FGF14: variants seen among roughly 807,000 people sequenced by gnomAD.
FGF14 encodes the protein fibroblast growth factor 14.
In FGF14, 5 loss-of-function variants were observed where a neutral mutation model predicts 25.5. That is an observed-to-expected ratio of 0.20 (90% CI 0.10 to 0.41). FGF14 has a LOEUF of 0.41. Among genes scored for constraint, FGF14 ranks in the 10% least tolerant of loss-of-function variants. FGF14 has a pLI of 1.00. For synonymous variants in FGF14, 138 were observed against 118.3 expected (o/e 1.17, Z -1.08); for missense variants, 222 against 320.1 (o/e 0.69, Z 2.34).
chr13:102,212,420 A>G (rs1229817191), intron 1 of FGF14, among the ~76,000 whole-genome samples: 2 of 151,868 alleles, frequency 1.3e-5, no homozygotes, highest in Non-Finnish European at 2.9e-5. Context: ...AATCCCCCTG[A>G]CCTCCACCCT....
At chr13:102,224,626 G>A (rs890173347) in intron 1 of FGF14, among the ~76,000 whole-genome samples, 7 of 152,098 alleles carry the variant, frequency 4.6e-5, no homozygotes, top group African/African-American at 1.7e-4. Context: ...TTTCTAGATG[G>A]TAACTTGTGT....
chr13:102,269,165 C>T (rs1418411551), intron 1 of FGF14, among the ~76,000 whole-genome samples: 8 of 152,174 alleles, frequency 5.3e-5, no homozygotes, highest in Admixed American at 5.2e-4. Flanking sequence ...ATCAGGAAAA[C>T]CAAAAGCCAC....
intron 1 of FGF14, among the ~76,000 whole-genome samples, chr13:101,963,152 T>C (rs2036970338): frequency 6.6e-6 from 1 of 152,264 alleles, no homozygotes; most frequent in Admixed American, 6.5e-5. Context: ...ATCCAAATAC[T>C]TAAGGAGAGA....
At chr13:101,746,357 A>G (rs2036889409) in intron 3 of FGF14, among the ~76,000 whole-genome samples, 1 of 152,010 alleles carries the variant, frequency 6.6e-6, no homozygotes, top group Admixed American at 6.6e-5. Flanking sequence ...AAATCACCAG[A>G]CAATATTCTC....
intron 1 of FGF14, among the ~76,000 whole-genome samples, chr13:102,110,825 T>C (rs891066605): frequency 2.6e-5 from 4 of 152,146 alleles, no homozygotes; most frequent in Non-Finnish European, 5.9e-5. Flanking sequence ...CCTGCAATTG[T>C]TTCCTTTTTT....
chr13:102,033,795 A>C (rs2041334722), intron 1 of FGF14, among the ~76,000 whole-genome samples: 2 of 152,146 alleles, frequency 1.3e-5, no homozygotes, highest in African/African-American at 4.8e-5. Context: ...GGTTTCAGCA[A>C]AACACTCTGA....
chr13:102,157,405 G>A (rs1175629644), intron 1 of FGF14, among the ~76,000 whole-genome samples: 1 of 152,148 alleles, frequency 6.6e-6, no homozygotes, highest in African/African-American at 2.4e-5. Flanking sequence ...CAAGAAATGG[G>A]GAGAGAATTC....
chr13:102,177,963 CAT>C (rs749202943), intron 1 of FGF14, among the ~76,000 whole-genome samples: 18 of 151,990 alleles, frequency 1.2e-4, no homozygotes, highest in South Asian at 2.1e-4. Context: ...GCACATAGCA[CAT>C]GTCTCTCTCA....
At chr13:102,023,389 G>A (rs935466950) in intron 1 of FGF14, among the ~76,000 whole-genome samples, 3 of 151,950 alleles carry the variant, frequency 2.0e-5, no homozygotes, top group African/African-American at 7.2e-5. Context: ...GACATCTCAT[G>A]GTATAGAGCT....
intron 1 of FGF14, among the ~76,000 whole-genome samples, chr13:101,912,029 T>C (rs2032995976): frequency 6.6e-6 from 1 of 151,784 alleles, no homozygotes; most frequent in Admixed American, 6.6e-5. Context: ...TGATGACTAT[T>C]TGCTGTGGAT....
chr13:102,335,810 C>T (rs2056773095), intron 1 of FGF14, among the ~76,000 whole-genome samples: 1 of 152,154 alleles, frequency 6.6e-6, no homozygotes, highest in African/African-American at 2.4e-5. Context: ...TCCAGTAATT[C>T]TTGCAATATT....
chr13:102,401,108 G>A (rs970759840), intron 1 of FGF14, among the ~76,000 whole-genome samples: 3 of 152,080 alleles, frequency 2.0e-5, no homozygotes, highest in East Asian at 1.9e-4. Context: ...AGGGGAGCTC[G>A]CGGTTCTTTT....
At chr13:102,162,561 T>C (rs543359759) in intron 1 of FGF14, among the ~76,000 whole-genome samples, 24 of 152,280 alleles carry the variant, frequency 1.6e-4, no homozygotes, top group African/African-American at 5.8e-4. Flanking sequence ...GCCTAAAGTA[T>C]CAAGTTTATA....
chr13:101,917,627 C>T (rs544787843), upstream of FGF14, among the ~76,000 whole-genome samples: 4 of 152,044 alleles, frequency 2.6e-5, no homozygotes, highest in Non-Finnish European at 5.9e-5. Context: ...CAACGCCCCC[C>T]CGTCGCCACC....
intron 1 of FGF14, among the ~76,000 whole-genome samples, chr13:102,161,594 A>C (rs1404744575): frequency 8.3e-4 from 2 of 2,396 alleles, no homozygotes; most frequent in Admixed American, 4.2e-3. Context: ...AAGAAGAAGA[A>C]GAAGAAGAAG....
intron 1 of FGF14, among the ~76,000 whole-genome samples, chr13:102,044,498 T>C (rs2041892008): frequency 6.6e-6 from 1 of 152,016 alleles, no homozygotes; most frequent in South Asian, 2.1e-4. Context: ...AGATCATCGA[T>C]CTGTTGAGAA....
chr13:102,163,036 A>G (rs1002158882), intron 1 of FGF14, among the ~76,000 whole-genome samples: 1 of 152,174 alleles, frequency 6.6e-6, no homozygotes, highest in South Asian at 2.1e-4. Flanking sequence ...ATACATCCAC[A>G]TATTTCATAT....
chr13:102,090,535 G>A (rs960130358), intron 1 of FGF14, among the ~76,000 whole-genome samples: 6 of 152,142 alleles, frequency 3.9e-5, no homozygotes, highest in African/African-American at 9.7e-5. Flanking sequence ...TCGACCACTG[G>A]TAACCATTGT....
intron 1 of FGF14, among the ~76,000 whole-genome samples, chr13:102,041,088 C>T (rs1314803614): frequency 2.0e-5 from 3 of 151,664 alleles, no homozygotes; most frequent in Admixed American, 1.3e-4. Flanking sequence ...AGCTCCAGTC[C>T]CTCCTTTTAC....
Sources: gnomAD v4.1 joint callset for allele counts (sites outside exome capture counted in the v4.1 genomes callset) on GRCh38, gnomAD v4.1.1 for gene constraint, MANE v1.5 for transcripts, NCBI Gene and HGNC (gene_info 2026-07-23, HGNC 2026-07-21) for gene names.